USP32: variants seen among roughly 807,000 people sequenced by gnomAD.
The protein encoded by USP32 is ubiquitin carboxyl-terminal hydrolase 32.
In USP32, 59 loss-of-function variants were observed where a neutral mutation model predicts 204.8. The ratio of observed to expected loss-of-function variants is 0.29; its 90% CI spans 0.23 to 0.36. The LOEUF (loss-of-function observed/expected upper bound fraction) is 0.36. Ranked by LOEUF, USP32 falls within the 10% of genes least tolerant of loss-of-function variation. The pLI is 1.00. For missense variants in USP32, 1,160 were observed against 1,946.4 expected, an observed-to-expected ratio of 0.60 and a Z score of 7.60; for synonymous variants, 517 against 678.4, an observed-to-expected ratio of 0.76 and a Z score of 3.70.
chr17:60,399,522 G>GT lies in USP32; in HGVS notation c.106+22723dup, dbSNP rs1486628834. On this transcript the variant is annotated intron_variant, in intron 1 of 3. Coordinates refer to the USP32 transcript ENST00000588898. Reference sequence around the variant, plus strand: ...AATTTAAAAAAAAAAATTTAGCTGGGTGTGGTGGCATGTGCCTGTAGTCCC... The same window carrying GT: ...AATTTAAAAAAAAAAATTTAGCTGGGTTGTGGTGGCATGTGCCTGTAGTCCC... Among the ~76,000 whole-genome samples, 3 of 152,134 alleles carry GT rather than the reference G, an allele frequency of 2.0e-5. No individual in the cohort carries two copies. The East Asian group carries it at 5.8e-4, about 29-fold the overall frequency.
At chr17:60,230,801 T>C (rs1422380412) in intron 12 of USP32, among the ~76,000 whole-genome samples, 1 of 152,214 alleles carries the variant, frequency 6.6e-6, no homozygotes, top group Non-Finnish European at 1.5e-5. Context: ...TTTCATCCGA[T>C]TAATCTTATT....
chr17:60,374,243 G>T (rs960133780), intron 1 of USP32, among the ~76,000 whole-genome samples: 1 of 151,784 alleles, frequency 6.6e-6, no homozygotes, highest in East Asian at 1.9e-4. Context: ...ACAGCATCAA[G>T]ATCATCAATA....
chr17:60,405,575 A>C (rs1229979255), intron 1 of USP32, among the ~76,000 whole-genome samples: 1 of 152,156 alleles, frequency 6.6e-6, no homozygotes, highest in Admixed American at 6.6e-5. Flanking sequence ...CAGCATGGGC[A>C]ACATATCAAA....
In USP32 at chr17:60,383,106, C is replaced by T. The variant is rs185536489; in HGVS notation, c.58+8776G>A. ...ATTAAAAATACAAAAATTAGCTGGG[C>T]GTGGTGGCTTGTGCCTGTAGTCCTA... On this transcript the variant is annotated intron_variant, in intron 1 of 33. Coordinates refer to ENST00000300896, the MANE Select transcript of USP32 (RefSeq NM_032582.4). Among the ~76,000 whole-genome samples, 705 of 151,724 alleles carry T rather than the reference C, an allele frequency of 4.6e-3. 10 individuals are homozygous for T. Among genetic ancestry groups the T allele is most frequent in the African/African-American group, 0.016 (651 of 41,354 alleles).
intron 12 of USP32, among the ~76,000 whole-genome samples, chr17:60,232,891 C>A (rs2085610698): frequency 6.6e-6 from 1 of 152,162 alleles, no homozygotes; most frequent in South Asian, 2.1e-4. Context: ...GCTACTACTA[C>A]CACCATTATT....
intron 8 of USP32, 125 bp from the exon 9 acceptor site, chr17:60,265,599 C>G: frequency 1.5e-6 from 1 of 659,270 alleles, no homozygotes; most frequent in South Asian, 2.0e-5. Context: ...GGTCTCCTTA[C>G]GTTGCCCAGG....
In USP32 at chr17:60,223,521, T is replaced by G. The variant is rs1259443078; in HGVS notation, c.1498A>C (p.Asn500His). ...CFARQHNTSDNNNQCLLGANG... is the reference protein window; with the variant it reads ...CFARQHNTSDHNNQCLLGANG... ...GCTCCCAGCAAACACTGGTTGTTAT[T>G]GTCAGAAGTGTTATGTTGTCGAGCA... Residue 500 changes from asparagine to histidine, a missense_variant, in exon 14 of 34, where the codon AAT becomes CAT. Transcript: ENST00000300896. 1 of 1,613,976 alleles carries G rather than the reference T, an allele frequency of 6.2e-7. No homozygotes were observed. Among genetic ancestry groups the G allele is most frequent in the South Asian group, 1.1e-5 (1 of 91,028 alleles).
chr17:60,335,737 C>G (rs1159856614), intron 2 of USP32, among the ~76,000 whole-genome samples: 1 of 142,916 alleles, frequency 7.0e-6, no homozygotes, highest in Non-Finnish European at 1.5e-5. Context: ...CCTCCCTGGC[C>G]CTTAGCCTTA....
chr17:60,357,829 C>T (rs1020873544), intron 1 of USP32, among the ~76,000 whole-genome samples: 4 of 151,928 alleles, frequency 2.6e-5, no homozygotes, highest in East Asian at 1.9e-4. Flanking sequence ...AGTGCAATGG[C>T]GCAATCTCAA....
intron 2 of USP32, among the ~76,000 whole-genome samples, chr17:60,334,929 G>T (rs1317300445): frequency 7.0e-6 from 1 of 142,388 alleles, no homozygotes; most frequent in Non-Finnish European, 1.5e-5. Flanking sequence ...AAAGTGCTGG[G>T]ATTACAGGCG....
chr17:60,297,980 T>C (rs1388107015), intron 3 of USP32, among the ~76,000 whole-genome samples: 3 of 152,210 alleles, frequency 2.0e-5, no homozygotes, highest in Non-Finnish European at 1.5e-5. Flanking sequence ...CCACTGACCA[T>C]GGACTGGTTC....
Position 60,208,681 on chromosome 17 carries a change from C to G in USP32, c.2746G>C (p.Asp916His). 1.9e-6 allele frequency: 3 copies of G among 1,577,684 alleles called. No individual in the cohort carries two copies. The highest frequency in any genetic ancestry group is 2.3e-5 in the South Asian group (2 of 85,242). ...GTTATTTCTAAGTGCATATAACTGT[C>G]CATTGGTAGTGGCAAAGACAAAAAA... ...FNFLSLPLPM[D>H]SYMHLEITVI... is the part of the protein sequence containing the mutation. Residue 916 changes from aspartate (D) to histidine (H), a missense_variant, in exon 23 of 34, where the codon GAC becomes CAC. Transcript: ENST00000300896.
chr17:60,240,248 T>C (rs1419185556), intron 11 of USP32, among the ~76,000 whole-genome samples: 1 of 152,252 alleles, frequency 6.6e-6, no homozygotes, highest in Non-Finnish European at 1.5e-5. Context: ...ATGGTAACTC[T>C]AGAAATATTT....
rs970443128 is a variant in USP32 at position 60,421,775 on chromosome 17, C to T, written c.106+471G>A. 3.3e-6 allele frequency: 3 copies of T among 919,448 alleles called. No homozygotes were observed. In the African/African-American group the frequency reaches 5.4e-5, roughly 16 times the overall value. 57.0% of individuals were successfully genotyped at this position (919,448 alleles called of 1,614,324 possible). On this transcript the variant is annotated intron_variant, in intron 1 of 3. Transcript: ENST00000588898. ...CGTTTCCGCCCTCGGCCTCGGGTCC[C>T]TGGAGGGCTCGCGGGTAGGAAGAGT...
intron 2 of USP32, among the ~76,000 whole-genome samples, chr17:60,326,161 TAAGTA>T (rs142734238): frequency 0.044 from 6,700 of 152,086 alleles, 524 homozygotes; most frequent in African/African-American, 0.15. Context: ...TTTGATAAAA[TAAGTA>T]AATAAGTAAG....
chr17:60,272,549 A>ATT (rs2086747193), intron 5 of USP32, among the ~76,000 whole-genome samples: 1 of 152,250 alleles, frequency 6.6e-6, no homozygotes, highest in African/African-American at 2.4e-5. Flanking sequence ...TCTGTCTATA[A>ATT]TGGAGTAACT....
At chr17:60,214,202 A>C (rs2085045393) in intron 17 of USP32, among the ~76,000 whole-genome samples, 1 of 152,162 alleles carries the variant, frequency 6.6e-6, no homozygotes, top group Admixed American at 6.5e-5. Context: ...TCGGCCTCCC[A>C]AAGTGATGGG....
At chr17:60,365,364 C>T (rs991202638) in intron 1 of USP32, among the ~76,000 whole-genome samples, 1 of 151,866 alleles carries the variant, frequency 6.6e-6, no homozygotes, top group African/African-American at 2.4e-5. Flanking sequence ...GCCTGTAATC[C>T]CAGCTACTCA....
chr17:60,256,833 G>T, intron 9 of USP32: 1 of 937,712 alleles, frequency 1.1e-6, no homozygotes, highest in Non-Finnish European at 1.4e-6. Flanking sequence ...TCTGGATTGG[G>T]CCAGTCAACA....
Sources: gnomAD v4.1 joint callset for allele counts (sites outside exome capture counted in the v4.1 genomes callset) on GRCh38, gnomAD v4.1.1 for gene constraint, MANE v1.5 for transcripts, NCBI Gene and HGNC (gene_info 2026-07-23, HGNC 2026-07-21) for gene names.